Variants in SYCP2 observed in about 807,000 individuals in gnomAD.
SYCP2 encodes synaptonemal complex protein 2.
In SYCP2, 55 loss-of-function variants were observed where a neutral mutation model predicts 211.3. The ratio of observed to expected loss-of-function variants is 0.26; its 90% confidence interval spans 0.21 to 0.33. SYCP2 has a LOEUF of 0.33. Among genes scored for constraint, SYCP2 ranks in the 10% least tolerant of loss-of-function variants. SYCP2 has a pLI of 1.00. For missense variants in SYCP2, 1,731 were observed against 1,752.0 expected (o/e 0.99, Z 0.21); for synonymous variants, 570 against 555.2 (o/e 1.03, Z -0.37).
chr20:59,865,874 AT>A lies in SYCP2; in HGVS notation c.4321-10del, dbSNP rs1364555506. On this transcript the variant is annotated splice_polypyrimidine_tract_variant and intron_variant, in intron 41 of 44. Coordinates refer to ENST00000357552, the MANE Select transcript of SYCP2 (RefSeq NM_014258.4). ...ATCTTTTCCCAAAAGTCCTAAATTA[AT>A]TAATAAAATTTTATTTAGTCCTAAA... 8.0e-7 allele frequency: 1 copy of A among 1,251,934 alleles called. No individual in the cohort carries two copies. Among genetic ancestry groups the A allele is most frequent in the South Asian group, 1.9e-5 (1 of 52,934 alleles). 77.6% of individuals were successfully genotyped at this position (1,251,934 alleles called of 1,614,324 possible). A position where few individuals can be genotyped will look rare whatever the true frequency, so the allele number is the denominator to read the frequency against.
intron 1 of SYCP2, among the ~76,000 whole-genome samples, chr20:59,932,975 C>T (rs1267924426): frequency 6.6e-6 from 1 of 151,944 alleles, no homozygotes; most frequent in Non-Finnish European, 1.5e-5. Context: ...AGGCGAAGTC[C>T]CTGCTCCCAC....
In SYCP2 at chr20:59,911,782, T is replaced by C. The variant is rs567124256; in HGVS notation, c.940A>G (p.Thr314Ala). The change falls in exon 14 of 45, where the codon ACT becomes GCT. Residue 314 changes from threonine (T) to alanine (A), a missense_variant. Physicochemically the swap from Thr to Ala is moderately conservative, Grantham distance 58 (BLOSUM62 0). Around this residue, in one of 3 missense-constraint regions of SYCP2, gnomAD observed 335 missense variants for 378.8 expected, o/e 0.88. Coordinates refer to ENST00000357552, the MANE Select transcript of SYCP2 (RefSeq NM_014258.4). ...FWIDFNLGSQTLSFYIAGDND... is the reference protein window; with the variant it reads ...FWIDFNLGSQALSFYIAGDND... Reference sequence around the variant, plus strand: ...TCTCCAGCAATGTAGAATGAGAGAGTCTGACTCCCAAGATTAAAATCAATC... The same window carrying C: ...TCTCCAGCAATGTAGAATGAGAGAGCCTGACTCCCAAGATTAAAATCAATC... 5.7e-6 allele frequency: 9 copies of C among 1,590,630 alleles called. No individual in the cohort carries two copies. Among genetic ancestry groups the C allele is most frequent in the Non-Finnish European group, 7.7e-6 (9 of 1,165,784 alleles).
chr20:59,869,838 G>T lies in SYCP2; in HGVS notation c.3701C>A (p.Ser1234Tyr). 3 of 1,606,334 alleles carry T rather than the reference G, an allele frequency of 1.9e-6. No individual in the cohort carries two copies. The highest frequency in any genetic ancestry group is 2.2e-5 in the East Asian group (1 of 44,664). Residue 1234 changes from serine to tyrosine, a missense_variant, in exon 36 of 45, where the codon TCT becomes TAT. By Grantham distance (144) the Ser-to-Tyr change is moderately radical. Coordinates refer to ENST00000357552, the MANE Select transcript of SYCP2 (RefSeq NM_014258.4). Reference protein sequence around the residue: ...SSEERFMEIESPHINENYIQS... With the variant: ...SSEERFMEIEYPHINENYIQS... Reference sequence around the variant, plus strand: ...TATATAATTTTCATTGATATGTGGAGATTCAATTTCCATAAACCGTTCTTC... The same window carrying T: ...TATATAATTTTCATTGATATGTGGATATTCAATTTCCATAAACCGTTCTTC...
chr20:59,927,978 T>C (rs2060665062), intron 2 of SYCP2, among the ~76,000 whole-genome samples: 1 of 152,124 alleles, frequency 6.6e-6, no homozygotes, highest in Non-Finnish European at 1.5e-5. Flanking sequence ...AGGTGAAAAA[T>C]GCAGGGCTGG....
chr20:59,915,062 A>G (rs2060411264), intron 10 of SYCP2, 103 bp downstream of exon 10: 2 of 766,826 alleles, frequency 2.6e-6, no homozygotes, highest in Non-Finnish European at 4.4e-6. Context: ...AATGTTTATA[A>G]TTCCCTCAGT....
chr20:59,910,441 C>T (rs2060298698), intron 14 of SYCP2, among the ~76,000 whole-genome samples: 1 of 129,610 alleles, frequency 7.7e-6, no homozygotes, highest in African/African-American at 3.2e-5. Flanking sequence ...AGTGCAGTGG[C>T]CCGATCTCGG....
At position 59,912,222 on chromosome 20, in the gene SYCP2, G is replaced by T. The variant is rs1251414642; in HGVS notation, c.876+151C>A. 4 of 476,334 alleles carry T rather than the reference G, an allele frequency of 8.4e-6. No homozygotes were observed. In the East Asian group the frequency reaches 1.7e-4, roughly 21 times the overall value. The allele number at this position is 476,334 out of a possible 1,614,324, so 29.5% of individuals were successfully genotyped here. On this transcript the variant is annotated intron_variant, in intron 13 of 44. Transcript: ENST00000357552. ...ATGCTGTTCCATAAAACTTCTCCTG[G>T]TTTCACTGTCAGATACAGAATACTA...
In SYCP2 at chr20:59,919,532, A is replaced by C; in HGVS notation, c.363T>G (p.Ala121=). The C allele has an allele frequency of 1.2e-6, 2 of 1,609,762 alleles. No individual in the cohort carries two copies. The highest frequency in any genetic ancestry group is 1.7e-6 in the Non-Finnish European group (2 of 1,177,218). ...IQSQGNSKDE[A]VLNMIEDLVD... is the part of the protein sequence containing the mutation. ...CTAAGTCTTCTATCATATTTAGAAC[A>C]GCTTCATCTTTTGAATTTCCTTGAC... The change falls in exon 6 of 45, where the codon GCT becomes GCG. Residue 121 remains alanine (A), a synonymous_variant. Coordinates refer to ENST00000357552, the MANE Select transcript of SYCP2 (RefSeq NM_014258.4).
Position 59,910,385 on chromosome 20 carries a change from T to A in SYCP2, c.972+1365A>T, listed in dbSNP as rs80198952. 1.6e-3 allele frequency among the ~76,000 whole-genome samples: 212 copies of A among 134,112 alleles called. 3 individuals carry two copies. In the East Asian group the frequency reaches 0.039, roughly 25 times the overall value. The allele number at this position is 134,112 out of a possible 152,430, so 88.0% of individuals were successfully genotyped here. A position where few individuals can be genotyped will look rare whatever the true frequency, so the allele number is the denominator to read the frequency against. On this transcript the variant is annotated intron_variant, in intron 14 of 44. Coordinates refer to ENST00000357552, the MANE Select transcript of SYCP2 (RefSeq NM_014258.4). ...TAGTGTAATTGCTTATTTTTTTTTT[T>A]TTTTTTTTTTTTTTTGAGACAGTCT...
At chr20:59,932,562 T>A (rs2060776303) in intron 1 of SYCP2, among the ~76,000 whole-genome samples, 1 of 152,052 alleles carries the variant, frequency 6.6e-6, no homozygotes, top group Non-Finnish European at 1.5e-5. Flanking sequence ...TAGTCCCAGT[T>A]ACTCCGGAGG....
At chr20:59,885,308 T>C (rs2059764234) in intron 26 of SYCP2, among the ~76,000 whole-genome samples, 1 of 151,958 alleles carries the variant, frequency 6.6e-6, no homozygotes, top group African/African-American at 2.4e-5. Context: ...GTAGTGAATG[T>C]GATGTAAGGA....
Position 59,882,099 on chromosome 20 carries a change from G to A in SYCP2, c.2596C>T (p.Pro866Ser), listed in dbSNP as rs1420735302. 4 of 1,612,162 alleles carry A rather than the reference G, an allele frequency of 2.5e-6. No homozygotes were observed. The East Asian group carries it at 8.9e-5, about 36-fold the overall frequency. The change falls in exon 27 of 45, where the codon CCA becomes TCA. Residue 866 changes from proline (P) to serine (S), a missense_variant. Physicochemically the swap from Pro to Ser is moderately conservative, Grantham distance 74. Around this residue, in one of 3 missense-constraint regions of SYCP2, gnomAD observed 1,387 missense variants for 1,351.3 expected, o/e 1.03. Coordinates refer to ENST00000357552, the MANE Select transcript of SYCP2 (RefSeq NM_014258.4). ...TTFVNVTSECPVNDVYNFNLN... is the reference protein window; with the variant it reads ...TTFVNVTSECSVNDVYNFNLN... ...AATATTACAAAAAATACTTACACTGGGCATTCAGAAGTAACATTAACAAAG... is the reference window on the plus strand; with the variant it reads ...AATATTACAAAAAATACTTACACTGAGCATTCAGAAGTAACATTAACAAAG...
At chr20:59,931,633 GTATT>G (rs911412821) in intron 2 of SYCP2, among the ~76,000 whole-genome samples, 1 of 152,182 alleles carries the variant, frequency 6.6e-6, no homozygotes, top group Non-Finnish European at 1.5e-5. Flanking sequence ...TTGAAACAGT[GTATT>G]TTACAAAATG....
intron 24 of SYCP2, among the ~76,000 whole-genome samples, chr20:59,887,565 A>G (rs1459612550): frequency 6.6e-6 from 1 of 152,162 alleles, no homozygotes; most frequent in Non-Finnish European, 1.5e-5. Context: ...TCCTTGAGGA[A>G]TTGCCACACT....
intron 1 of SYCP2, among the ~76,000 whole-genome samples, chr20:59,932,986 C>G (rs1198962486): frequency 6.6e-6 from 1 of 151,688 alleles, no homozygotes; most frequent in African/African-American, 2.4e-5. Context: ...CTGCTCCCAC[C>G]GCCGGCACGG....
At position 59,892,283 on chromosome 20, in the gene SYCP2, T is replaced by C. The variant is rs1370469721; in HGVS notation, c.2071A>G (p.Lys691Glu). The C allele has an allele frequency of 2.5e-6, 4 of 1,612,504 alleles. No homozygotes were observed. The highest frequency in any genetic ancestry group is 3.3e-5 in the Admixed American group (2 of 59,866). The change falls in exon 24 of 45, where the codon AAG (lysine) becomes GAG (glutamate). Residue 691 changes from lysine (K) to glutamate (E), a missense_variant. By Grantham distance (56) the Lys-to-Glu change is moderately conservative. This residue lies in a region of SYCP2 where 1,387 missense variants were observed against 1,351.3 expected (regional missense o/e 1.03). Transcript: ENST00000357552. ...KIDKAEVEVC[K>E]KHNQQQNHPK... ...TGATTTTGTTGCTGATTGTGTTTCT[T>C]GCAAACTTCTACTTCTGCTTTATCT...
At chr20:59,891,591 T>C (rs1261183469) in intron 24 of SYCP2, among the ~76,000 whole-genome samples, 4 of 151,706 alleles carry the variant, frequency 2.6e-5, no homozygotes, top group African/African-American at 7.3e-5. Flanking sequence ...TGCTAGGACA[T>C]GCAGGAAAAC....
chr20:59,919,349 C>T (rs956279991), intron 6 of SYCP2, 144 bp downstream of exon 6: 10 of 698,998 alleles, frequency 1.4e-5, no homozygotes, highest in Non-Finnish European at 2.4e-5. Context: ...AGAATAAATG[C>T]TTTATACAAT....
rs752419468 is a variant in SYCP2 at position 59,893,611 on chromosome 20, A to T, written c.1666-18T>A. 1.9e-6 allele frequency: 3 copies of T among 1,581,592 alleles called. No individual in the cohort carries two copies. In the South Asian group the frequency reaches 3.4e-5, roughly 18 times the overall value. On this transcript the variant is annotated intron_variant, in intron 20 of 44. Transcript: ENST00000357552. Reference sequence around the variant, plus strand: ...TTGATATGCTGTAAACACAGGAAACAGGTTAACGTAAACTTAAGATGTTAT... The same window carrying T: ...TTGATATGCTGTAAACACAGGAAACTGGTTAACGTAAACTTAAGATGTTAT...
Sources: allele counts gnomAD v4.1 joint callset (sites outside exome capture counted in the v4.1 genomes callset), GRCh38; gene constraint gnomAD v4.1.1; regional missense constraint gnomAD v4.1.1; transcripts MANE v1.5; gene names NCBI Gene and HGNC (gene_info 2026-07-23, HGNC 2026-07-21).